CTIF: variants seen among roughly 807,000 people sequenced by gnomAD.
CTIF encodes the protein CBP80/20-dependent translation initiation factor.
In CTIF, 21 loss-of-function variants were observed where a neutral mutation model predicts 66.0. The ratio of observed to expected loss-of-function variants is 0.32; its 90% confidence interval spans 0.23 to 0.46. CTIF has a LOEUF of 0.46. Among genes scored for constraint, CTIF ranks in the 20% least tolerant of loss-of-function variants. The pLI is 1.00. For missense variants in CTIF, 739 were observed against 812.7 expected, an observed-to-expected ratio of 0.91 and a Z score of 1.10; for synonymous variants, 345 against 326.4, an observed-to-expected ratio of 1.06 and a Z score of -0.62.
At chr18:48,692,045 T>C (rs1451284172) in intron 6 of CTIF, among the ~76,000 whole-genome samples, 2 of 152,226 alleles carry the variant, frequency 1.3e-5, no homozygotes, top group Non-Finnish European at 2.9e-5. Flanking sequence ...CATGCCCAGC[T>C]AATTTGTATA....
At chr18:48,764,268 C>A (rs905480242) in intron 9 of CTIF, among the ~76,000 whole-genome samples, 1 of 152,232 alleles carries the variant, frequency 6.6e-6, no homozygotes, top group African/African-American at 2.4e-5. Context: ...GTGTGCCAGG[C>A]ACCAGCCTGG....
chr18:48,654,835 T>G (rs1188606072), intron 3 of CTIF, among the ~76,000 whole-genome samples: 1 of 152,106 alleles, frequency 6.6e-6, no homozygotes, highest in Non-Finnish European at 1.5e-5. Context: ...GGACATGGAT[T>G]CAGCTGGAAA....
chr18:48,598,645 G>A (rs1287121151), intron 1 of CTIF, among the ~76,000 whole-genome samples: 1 of 152,172 alleles, frequency 6.6e-6, no homozygotes, highest in African/African-American at 2.4e-5. Flanking sequence ...ACGGTGAAAC[G>A]GCATGGTGGT....
At chr18:48,611,704 C>T (rs16949646) in intron 1 of CTIF, among the ~76,000 whole-genome samples, 5 of 152,046 alleles carry the variant, frequency 3.3e-5, no homozygotes, top group Non-Finnish European at 7.4e-5. Context: ...ATTAAAGTTT[C>T]GGAAGCAGTG....
intron 1 of CTIF, among the ~76,000 whole-genome samples, chr18:48,576,104 G>T (rs2143730599): frequency 6.6e-6 from 1 of 152,380 alleles, no homozygotes; most frequent in East Asian, 1.9e-4. Flanking sequence ...TGTGTACAGA[G>T]CACCCAGGTG....
At chr18:48,823,533 A>C (rs1470387000) in intron 10 of CTIF, among the ~76,000 whole-genome samples, 1 of 152,218 alleles carries the variant, frequency 6.6e-6, no homozygotes, top group Non-Finnish European at 1.5e-5. Context: ...GCCTGTTTTC[A>C]TACCAGTACC....
chr18:48,650,685 G>A (rs1477312968), intron 3 of CTIF, among the ~76,000 whole-genome samples: 2 of 152,128 alleles, frequency 1.3e-5, no homozygotes, highest in Non-Finnish European at 2.9e-5. Context: ...GATTCACCAA[G>A]GTTGAAACGA....
intron 10 of CTIF, among the ~76,000 whole-genome samples, chr18:48,824,329 G>T (rs562949200): frequency 3.5e-4 from 53 of 152,194 alleles, no homozygotes; most frequent in African/African-American, 1.2e-3. Context: ...GACTATGAGG[G>T]CTGCACACAC....
chr18:48,752,066 C>T (rs938136734), intron 7 of CTIF, among the ~76,000 whole-genome samples: 3 of 152,096 alleles, frequency 2.0e-5, no homozygotes, highest in South Asian at 2.1e-4. Flanking sequence ...CATCGTTTGG[C>T]GAGGTAAACA....
rs768896119 is a variant in CTIF, at chr18:48,860,218, T to C, written c.*659T>C. 3.0e-6 allele frequency: 1 copy of C among 336,010 alleles called. No homozygotes were observed. Among genetic ancestry groups the C allele is most frequent in the Non-Finnish European group, 5.9e-6 (1 of 168,890 alleles). The allele number at this position is 336,010 out of a possible 1,614,324, so 20.8% of individuals were successfully genotyped here. A position where few individuals can be genotyped will look rare whatever the true frequency, so the allele number is the denominator to read the frequency against. ...AGGGGGTCAGGCGCAGCGGGGGAGA[T>C]GGAGTTTGCAGTTCCACTTGCACTC... On this transcript the variant is annotated 3_prime_UTR_variant, in exon 12 of 12. Coordinates refer to ENST00000256413, the MANE Select transcript of CTIF (RefSeq NM_014772.3).
intron 9 of CTIF, among the ~76,000 whole-genome samples, chr18:48,777,369 A>G (rs770541013): frequency 6.6e-6 from 1 of 152,166 alleles, no homozygotes; most frequent in Non-Finnish European, 1.5e-5. Context: ...ACCGCCACCA[A>G]GCCACCCTCC....
intron 2 of CTIF, chr18:48,625,279 TTTA>T: frequency 4.5e-6 from 4 of 885,188 alleles, no homozygotes; most frequent in Non-Finnish European, 5.4e-6. Context: ...GCATGGGGGA[TTTA>T]TTATATATTT....
intron 6 of CTIF, among the ~76,000 whole-genome samples, chr18:48,699,965 A>G (rs1317733557): frequency 1.4e-4 from 21 of 152,192 alleles, no homozygotes; most frequent in Admixed American, 1.3e-3. Flanking sequence ...CACACTCCAC[A>G]CTGGCTCGGC....
chr18:48,592,922 C>CGCG (rs2089918054), intron 1 of CTIF, among the ~76,000 whole-genome samples: 1 of 152,178 alleles, frequency 6.6e-6, no homozygotes, highest in Non-Finnish European at 1.5e-5. Flanking sequence ...GGCAGGCTGC[C>CGCG]GCGGATCAGG....
chr18:48,586,293 T>C (rs1278828595), intron 1 of CTIF, among the ~76,000 whole-genome samples: 1 of 151,750 alleles, frequency 6.6e-6, no homozygotes, highest in Non-Finnish European at 1.5e-5. Context: ...TTTTTTTTTT[T>C]TGAGACAGAG....
chr18:48,789,692 C>T lies in CTIF; in HGVS notation c.1372-27529C>T, dbSNP rs531262389. 5.3e-5 allele frequency among the ~76,000 whole-genome samples: 8 copies of T among 152,226 alleles called. No individual in the cohort carries two copies. In the East Asian group the frequency reaches 1.4e-3, roughly 26 times the overall value. On this transcript the variant is annotated intron_variant, in intron 9 of 11. Transcript: ENST00000256413. ...TCAAGATGCCATTAAGCCTTTTGGG[C>T]AGAAATTGGCAAGCTGATTCTAAAA...
In CTIF at chr18:48,603,741, T is replaced by C. The variant is rs572831043; in HGVS notation, c.-28-15797T>C. Among the ~76,000 whole-genome samples the C allele has an allele frequency of 3.9e-5, 6 of 152,192 alleles. No homozygotes were observed. The East Asian group carries it at 1.2e-3, about 29-fold the overall frequency. ...ATGGGTGGCTGGCTTGCTGGCTGGC[T>C]GGAGCTGCACCATGAGATGCATCCT... On this transcript the variant is annotated intron_variant, in intron 1 of 11. Transcript: ENST00000256413.
chr18:48,773,864 G>C lies in CTIF; in HGVS notation c.1371+12175G>C, dbSNP rs183835913. 6.6e-5 allele frequency among the ~76,000 whole-genome samples: 10 copies of C among 152,300 alleles called. No homozygotes were observed. In the East Asian group the frequency reaches 9.6e-4, roughly 15 times the overall value. ...CCAGAAGGGAGTTGAGGGGACAGAG[G>C]GGGAGAGGAACAGGAAGAGGAGATG... On this transcript the variant is annotated intron_variant, in intron 9 of 11. Transcript: ENST00000256413.
chr18:48,643,851 G>C (rs754656806), intron 3 of CTIF, among the ~76,000 whole-genome samples: 10 of 152,180 alleles, frequency 6.6e-5, no homozygotes, highest in Non-Finnish European at 1.3e-4. Context: ...TGGGCTCTCA[G>C]ATGGCAGGAA....
Sources: gnomAD v4.1 joint callset for allele counts (sites outside exome capture counted in the v4.1 genomes callset) on GRCh38, gnomAD v4.1.1 for gene constraint, MANE v1.5 for transcripts, NCBI Gene and HGNC (gene_info 2026-07-23, HGNC 2026-07-21) for gene names.